Variants in PRR14L observed in about 807,000 individuals in gnomAD.
PRR14L encodes proline rich 14 like, also known as protein PRR14L.
A neutral mutation model predicts 155.0 loss-of-function variants in PRR14L; 80 were observed. The observed-to-expected ratio is 0.52, with a 90% CI of 0.43 to 0.62. The LOEUF (loss-of-function observed/expected upper bound fraction) is 0.62, where lower values mean the gene tolerates loss of function less well. Ranked by LOEUF, PRR14L falls within the 20% of genes least tolerant of loss-of-function variation. PRR14L has a pLI of 0.00. For synonymous variants in PRR14L, 883 were observed against 916.0 expected, an observed-to-expected ratio of 0.96 and a Z score of 0.65; for missense variants, 2,469 against 2,548.0, an observed-to-expected ratio of 0.97 and a Z score of 0.67.
intron 2 of PRR14L, among the ~76,000 whole-genome samples, chr22:31,731,609 T>A (rs189920885): frequency 6.8e-6 from 1 of 146,238 alleles, no homozygotes; most frequent in Non-Finnish European, 1.5e-5. Context: ...CTCCAATTCA[T>A]GGAGTTCATG....
chr22:31,710,133 C>T (rs1011310278), intron 4 of PRR14L, among the ~76,000 whole-genome samples: 1 of 151,404 alleles, frequency 6.6e-6, no homozygotes, highest in Admixed American at 6.6e-5. Flanking sequence ...GCAGAGACAA[C>T]GTTATGCCAT....
rs1944887206 is a variant in PRR14L at position 31,684,932 on chromosome 22, A to T, written c.*595T>A. 6.6e-6 allele frequency: 1 copy of T among 152,396 alleles called. No individual in the cohort carries two copies. The highest frequency in any genetic ancestry group is 1.5e-5 in the Non-Finnish European group (1 of 68,236). 9.4% of individuals were successfully genotyped at this position (152,396 alleles called of 1,614,324 possible). ...TCTGGCACTAGTGACCCAGTCACAGAGGGGAGAAAACGATGGGAAAAAGCC... is the reference window on the plus strand; with the variant it reads ...TCTGGCACTAGTGACCCAGTCACAGTGGGGAGAAAACGATGGGAAAAAGCC... On this transcript the variant is annotated 3_prime_UTR_variant, in exon 9 of 9. Coordinates refer to ENST00000327423, the MANE Select transcript of PRR14L (RefSeq NM_173566.3).
chr22:31,692,214 T>C (rs1013764633), intron 7 of PRR14L, among the ~76,000 whole-genome samples: 13 of 152,154 alleles, frequency 8.5e-5, no homozygotes, highest in Admixed American at 6.5e-4. Flanking sequence ...TGTTGGGTCA[T>C]ATGGTAACTA....
intron 2 of PRR14L, among the ~76,000 whole-genome samples, chr22:31,731,142 GTTTCT>G (rs1441853016): frequency 6.6e-6 from 1 of 152,034 alleles, no homozygotes; most frequent in Non-Finnish European, 1.5e-5. Flanking sequence ...AGGAATCTTG[GTTTCT>G]TTTATCGGAA....
intron 4 of PRR14L, among the ~76,000 whole-genome samples, chr22:31,706,219 T>C (rs1344745914): frequency 6.6e-6 from 1 of 151,030 alleles, no homozygotes; most frequent in Non-Finnish European, 1.5e-5. Context: ...CAATCCCAGC[T>C]ACTTGGGAGG....
chr22:31,729,304 C>T (rs2074735178), intron 2 of PRR14L, among the ~76,000 whole-genome samples: 4 of 152,272 alleles, frequency 2.6e-5, no homozygotes, highest in East Asian at 3.9e-4. Flanking sequence ...CTCCACATCC[C>T]GGGTTCACGC....
intron 3 of PRR14L, among the ~76,000 whole-genome samples, chr22:31,725,214 G>C (rs1159777476): frequency 6.6e-6 from 1 of 151,996 alleles, no homozygotes; most frequent in Non-Finnish European, 1.5e-5. Context: ...AGGCAACATG[G>C]TGAGACCTTG....
chr22:31,701,963 G>T (rs190054827), intron 6 of PRR14L, among the ~76,000 whole-genome samples: 2 of 152,178 alleles, frequency 1.3e-5, no homozygotes, highest in East Asian at 3.9e-4. Context: ...ATAAGCCACC[G>T]TAACTGGGAA....
At chr22:31,731,105 T>C (rs2074746756) in intron 2 of PRR14L, among the ~76,000 whole-genome samples, 1 of 152,136 alleles carries the variant, frequency 6.6e-6, no homozygotes, top group South Asian at 2.1e-4. Context: ...TTTTTCCCTC[T>C]CCTGTCCTGG....
intron 8 of PRR14L, 68 bp downstream of exon 8, chr22:31,688,087 GA>G: frequency 7.4e-7 from 1 of 1,356,728 alleles, no homozygotes; most frequent in Non-Finnish European, 1.0e-6. Flanking sequence ...TTTCTAAAGT[GA>G]AAGGGCTGGA....
chr22:31,721,669 T>C (rs2074691048), intron 3 of PRR14L, among the ~76,000 whole-genome samples: 1 of 152,140 alleles, frequency 6.6e-6, no homozygotes, highest in Non-Finnish European at 1.5e-5. Flanking sequence ...TATTACATAT[T>C]TCAAAATAGC....
At chr22:31,748,555 T>C (rs894566427) in intron 1 of PRR14L, among the ~76,000 whole-genome samples, 6 of 152,200 alleles carry the variant, frequency 3.9e-5, no homozygotes, top group African/African-American at 7.2e-5. Context: ...TCATTTTCCA[T>C]ATACAAGAGG....
chr22:31,696,080 C>T (rs554290391), intron 7 of PRR14L, among the ~76,000 whole-genome samples: 91 of 152,068 alleles, frequency 6.0e-4, no homozygotes, highest in African/African-American at 1.9e-3. Context: ...ACAGAGTACA[C>T]GAGAACCCGG....
At chr22:31,695,257 A>G (rs1378506395) in intron 7 of PRR14L, among the ~76,000 whole-genome samples, 1 of 152,208 alleles carries the variant, frequency 6.6e-6, no homozygotes, top group African/African-American at 2.4e-5. Flanking sequence ...CTGCTCTGTG[A>G]TAACGGAATC....
intron 1 of PRR14L, among the ~76,000 whole-genome samples, chr22:31,744,166 CTT>C (rs1267293120): frequency 1.4e-5 from 2 of 146,274 alleles, no homozygotes; most frequent in South Asian, 2.2e-4. Flanking sequence ...GAGTTTCGCT[CTT>C]GTTGCCCAGG....
chr22:31,690,755 C>A (rs1327699253), intron 7 of PRR14L, among the ~76,000 whole-genome samples: 1 of 151,470 alleles, frequency 6.6e-6, no homozygotes, highest in East Asian at 1.9e-4. Context: ...GATTCTTCTG[C>A]CTCAGCCTCC....
In PRR14L at chr22:31,738,733, C is replaced by G. The variant is rs1381696504; in HGVS notation, c.128G>C (p.Ser43Thr). Residue 43 changes from serine (S) to threonine (T), a missense_variant, in exon 2 of 9, where the codon AGT becomes ACT. Around this residue, in one of 2 missense-constraint regions of PRR14L, gnomAD observed 2,363 missense variants for 2,371.6 expected, o/e 1.00. Coordinates refer to ENST00000327423, the MANE Select transcript of PRR14L (RefSeq NM_173566.3). The part of the protein sequence containing the change: ...SRELHADPEP[S>T]VIPDVKPGAS... The stretch of plus-strand genomic sequence containing the variant: ...TCCAGGTTTTACATCTGGAATCACA[C>G]TTGGCTCAGGGTCAGCATGAAGCTC... 2.2e-5 allele frequency: 34 copies of G among 1,551,816 alleles called. No individual in the cohort carries two copies. Among genetic ancestry groups the G allele is most frequent in the Non-Finnish European group, 2.9e-5 (33 of 1,147,052 alleles).
At chr22:31,733,387 C>CTCTGCCTTCCACCT (rs2074761245) in intron 2 of PRR14L, among the ~76,000 whole-genome samples, 2 of 146,826 alleles carry the variant, frequency 1.4e-5, no homozygotes, top group South Asian at 2.1e-4. Context: ...TCACTGCAAC[C>CTCTGCCTTCCACCT]TCCGCCTTTG....
intron 4 of PRR14L, 27 bp downstream of exon 4, chr22:31,712,056 T>C (rs372511318): frequency 3.2e-6 from 5 of 1,562,244 alleles, no homozygotes; most frequent in Non-Finnish European, 3.5e-6. Context: ...TATGGGACAT[T>C]TGTAAAGAAC....
Sources: allele counts gnomAD v4.1 joint callset (sites outside exome capture counted in the v4.1 genomes callset), GRCh38; gene constraint gnomAD v4.1.1; regional missense constraint gnomAD v4.1.1; transcripts MANE v1.5; gene names NCBI Gene and HGNC (gene_info 2026-07-23, HGNC 2026-07-21).